Variants in LPIN2 observed in about 807,000 individuals in gnomAD.
LPIN2 encodes phosphatidate phosphatase LPIN2.
In LPIN2, 55 loss-of-function variants were observed where a neutral mutation model predicts 111.4. That is an observed-to-expected ratio of 0.49 (90% CI 0.40 to 0.62). The LOEUF is 0.62. Among genes scored for constraint, LPIN2 ranks in the 20% least tolerant of loss-of-function variants. LPIN2 has a pLI of 0.00. For missense variants in LPIN2, 992 were observed against 1,112.1 expected (o/e 0.89, Z 1.54); for synonymous variants, 425 against 414.0 (o/e 1.03, Z -0.32).
chr18:2,993,201 CAAAGAAG>C (rs1887580469), intron 1 of LPIN2, among the ~76,000 whole-genome samples: 1 of 144,504 alleles, frequency 6.9e-6, no homozygotes, highest in Non-Finnish European at 1.5e-5. Flanking sequence ...GAGAAAGGAA[CAAAGAAG>C]AAAGAAGAAG....
intron 4 of LPIN2, chr18:2,946,464 T>C (rs762763135): frequency 1.3e-4 from 194 of 1,490,678 alleles, no homozygotes; most frequent in Non-Finnish European, 1.8e-4. Flanking sequence ...GGGTGATATG[T>C]GCAAGCATCG....
intron 1 of LPIN2, among the ~76,000 whole-genome samples, chr18:2,980,806 C>CA (rs1430864528): frequency 6.6e-6 from 1 of 152,106 alleles, no homozygotes; most frequent in Admixed American, 6.5e-5. Context: ...AGAGTCCCCC[C>CA]CCAGCTCTAA....
intron 11 of LPIN2, 121 bp from the exon 12 acceptor site, chr18:2,927,932 T>C (rs1409458593): frequency 3.6e-6 from 3 of 825,864 alleles, no homozygotes; most frequent in Non-Finnish European, 6.4e-6. Flanking sequence ...GATGCTCTCT[T>C]CACACCTCCC....
intron 17 of LPIN2, 105 bp downstream of exon 17, chr18:2,921,942 G>A: frequency 7.0e-7 from 1 of 1,424,740 alleles, no homozygotes; most frequent in African/African-American, 1.4e-5. Flanking sequence ...GAGAGGCGTG[G>A]CGGCTCCAAC....
chr18:2,947,748 T>C (rs573514624), intron 4 of LPIN2, among the ~76,000 whole-genome samples: 2 of 152,370 alleles, frequency 1.3e-5, no homozygotes, highest in East Asian at 1.9e-4. Flanking sequence ...GAATATGCTA[T>C]AGGAAAGCTG....
intron 12 of LPIN2, 96 bp from the exon 13 acceptor site, chr18:2,926,901 T>G: frequency 1.1e-6 from 1 of 908,794 alleles, no homozygotes; most frequent in Non-Finnish European, 1.8e-6. Flanking sequence ...CACAACTGCC[T>G]TCTGAACCCA....
rs1475923396 is a variant in LPIN2, at chr18:2,919,239, C to G, written c.*1054G>C. The G allele has an allele frequency of 6.6e-6, 1 of 152,262 alleles. No individual in the cohort carries two copies. The highest frequency in any genetic ancestry group is 1.5e-5 in the Non-Finnish European group (1 of 68,094). The allele number at this position is 152,262 out of a possible 1,614,324, so 9.4% of individuals were successfully genotyped here. On this transcript the variant is annotated 3_prime_UTR_variant, in exon 20 of 20. Transcript: ENST00000677752. Reference sequence around the variant, plus strand: ...GGGGCAGTCTGCTCCATAGGAGCTCCAAGACCCCTCTTTGACGCTGCTTCC... The same window carrying G: ...GGGGCAGTCTGCTCCATAGGAGCTCGAAGACCCCTCTTTGACGCTGCTTCC...
At chr18:2,940,828 TA>T (rs2077357910) in intron 4 of LPIN2, 116 bp from the exon 5 acceptor site, 3 of 701,110 alleles carry the variant, frequency 4.3e-6, no homozygotes, top group Non-Finnish European at 7.7e-6. Flanking sequence ...AAATGATTAC[TA>T]ACTCTCTCTA....
intron 1 of LPIN2, among the ~76,000 whole-genome samples, chr18:2,987,899 T>C (rs1175613164): frequency 6.7e-6 from 1 of 148,886 alleles, no homozygotes; most frequent in Non-Finnish European, 1.5e-5. Context: ...ATTAGCTGAG[T>C]GTGGTGGCTC....
At chr18:3,009,495 G>A (rs1333596999) in intron 1 of LPIN2, among the ~76,000 whole-genome samples, 3 of 151,940 alleles carry the variant, frequency 2.0e-5, no homozygotes, top group Non-Finnish European at 2.9e-5. Context: ...CTGGAGTGCA[G>A]TGACACAATC....
chr18:2,917,217 G>A lies in LPIN2; in HGVS notation c.*3076C>T, dbSNP rs947890126. ...TAGGCTGAACATAATTATTAAAAGA[G>A]CAAAGTTTCCCCTCCCTTTCTTACT... On this transcript the variant is annotated 3_prime_UTR_variant, in exon 20 of 20. Coordinates refer to ENST00000677752, the MANE Select transcript of LPIN2 (RefSeq NM_001375808.2). 6.6e-6 allele frequency: 1 copy of A among 152,192 alleles called. No individual in the cohort carries two copies. Among genetic ancestry groups the A allele is most frequent in the Non-Finnish European group, 1.5e-5 (1 of 68,022 alleles). 9.4% of individuals were successfully genotyped at this position (152,192 alleles called of 1,614,324 possible). A position where few individuals can be genotyped will look rare whatever the true frequency, so the allele number is the denominator to read the frequency against.
At chr18:2,954,754 C>A (rs1473773732) in intron 2 of LPIN2, among the ~76,000 whole-genome samples, 155 bp from the exon 3 acceptor site, 2 of 152,148 alleles carry the variant, frequency 1.3e-5, no homozygotes, top group East Asian at 3.8e-4. Context: ...CCCTACCCAA[C>A]CCCTAAGAAG....
intron 1 of LPIN2, chr18:2,977,001 G>A (rs1216596024): frequency 6.6e-6 from 1 of 152,218 alleles, no homozygotes; most frequent in Non-Finnish European, 1.5e-5. Context: ...GAGCCCAGGA[G>A]TTCAAGACCA....
intron 2 of LPIN2, among the ~76,000 whole-genome samples, chr18:2,957,326 G>C (rs1455945771): frequency 2.0e-5 from 3 of 152,100 alleles, no homozygotes; most frequent in Non-Finnish European, 4.4e-5. Context: ...GAAACTTCTT[G>C]AGCATTTACA....
intron 12 of LPIN2, 96 bp downstream of exon 12, chr18:2,927,626 C>G: frequency 7.6e-7 from 1 of 1,316,454 alleles, no homozygotes; most frequent in Non-Finnish European, 1.1e-6. Flanking sequence ...TAGCCCTATA[C>G]AGTCCAAATT....
chr18:2,930,195 T>C (rs1262458017), intron 9 of LPIN2, among the ~76,000 whole-genome samples: 1 of 152,222 alleles, frequency 6.6e-6, no homozygotes, highest in African/African-American at 2.4e-5. Flanking sequence ...TCCAATAAAC[T>C]CTACTAGACT....
intron 1 of LPIN2, chr18:2,990,765 A>ACAGG: frequency 2.8e-6 from 1 of 355,706 alleles, no homozygotes; most frequent in Non-Finnish European, 5.6e-6. Context: ...GGATGGAAGA[A>ACAGG]CAGGCTCAGA....
chr18:2,930,087 TATTCTCCTA>T lies in LPIN2; in HGVS notation c.1457-938_1457-930del, dbSNP rs1389681949. Among the ~76,000 whole-genome samples the T allele has an allele frequency of 2.0e-5, 3 of 152,352 alleles. No individual in the cohort carries two copies. The East Asian group carries it at 5.8e-4, about 29-fold the overall frequency. ...TTTTTGTACCCTGTTCCTAAACCTG[TATTCTCCTA>T]GATCTAGGCTAACAGAGAAACTGCT... On this transcript the variant is annotated intron_variant, in intron 9 of 19. Coordinates refer to ENST00000677752, the MANE Select transcript of LPIN2 (RefSeq NM_001375808.2).
At chr18:2,976,236 G>A (rs754548910) in intron 1 of LPIN2, among the ~76,000 whole-genome samples, 1 of 152,160 alleles carries the variant, frequency 6.6e-6, no homozygotes, top group Admixed American at 6.5e-5. Context: ...TAATGCCCTG[G>A]GGTGAAGGTC....
Sources: gnomAD v4.1 joint callset for allele counts (sites outside exome capture counted in the v4.1 genomes callset) on GRCh38, gnomAD v4.1.1 for gene constraint, MANE v1.5 for transcripts, NCBI Gene and HGNC (gene_info 2026-07-23, HGNC 2026-07-21) for gene names.